KIFAP3: variants seen among roughly 807,000 people sequenced by gnomAD.
KIFAP3 encodes the protein kinesin associated protein 3.
Under a neutral mutation model 106.5 loss-of-function variants are expected in KIFAP3, and 68 were observed. The ratio of observed to expected loss-of-function variants is 0.64; its 90% CI spans 0.53 to 0.78. The LOEUF is 0.78. KIFAP3 is among the 30% of genes least tolerant of loss of function. The probability of loss-of-function intolerance (pLI) is 0.00; values close to 1 mark genes in which losing one functional copy is unlikely to be tolerated. For missense variants in KIFAP3, 780 were observed against 941.8 expected, an observed-to-expected ratio of 0.83 and a Z score of 2.25; for synonymous variants, 320 against 311.5, an observed-to-expected ratio of 1.03 and a Z score of -0.29.
At chr1:170,084,901 CG>C (rs2102197757) in intron 1 of KIFAP3, 2 of 152,234 alleles carry the variant, frequency 1.3e-5, no homozygotes, top group South Asian at 2.1e-4. Flanking sequence ...CAGCAATATT[CG>C]TTTCTCTATA....
intron 19 of KIFAP3, among the ~76,000 whole-genome samples, chr1:169,924,243 T>A (rs1662998637): frequency 6.6e-6 from 1 of 152,206 alleles, no homozygotes; most frequent in African/African-American, 2.4e-5. Context: ...AACCTGTAAA[T>A]CTCTGGTCTT....
intron 19 of KIFAP3, among the ~76,000 whole-genome samples, chr1:169,949,098 G>T (rs920207064): frequency 6.6e-6 from 1 of 151,450 alleles, no homozygotes; most frequent in Admixed American, 6.6e-5. Flanking sequence ...GTTCTCCTCA[G>T]TATGATTTTT....
chr1:170,013,705 TC>T (rs1176088639), intron 10 of KIFAP3, among the ~76,000 whole-genome samples: 1 of 152,126 alleles, frequency 6.6e-6, no homozygotes, highest in African/African-American at 2.4e-5. Flanking sequence ...ATTCTGGTAA[TC>T]CTGAAAACCC....
intron 18 of KIFAP3, among the ~76,000 whole-genome samples, chr1:169,955,981 T>G (rs1250509454): frequency 6.6e-6 from 1 of 152,164 alleles, no homozygotes; most frequent in Non-Finnish European, 1.5e-5. Flanking sequence ...TATAAAAACT[T>G]GTGATTTTAT....
chr1:169,996,010 A>T (rs1232757134), intron 10 of KIFAP3, among the ~76,000 whole-genome samples: 1 of 152,072 alleles, frequency 6.6e-6, no homozygotes, highest in Non-Finnish European at 1.5e-5. Flanking sequence ...AATTATAATA[A>T]TTTCTACTGG....
chr1:169,955,576 A>G (rs1281843429), intron 18 of KIFAP3, among the ~76,000 whole-genome samples: 5 of 152,078 alleles, frequency 3.3e-5, no homozygotes, highest in Non-Finnish European at 7.4e-5. Context: ...GTGAATGGTA[A>G]AACTAAGTAA....
intron 1 of KIFAP3, among the ~76,000 whole-genome samples, chr1:170,066,134 T>A (rs1671432731): frequency 6.6e-6 from 1 of 151,674 alleles, no homozygotes; most frequent in Non-Finnish European, 1.5e-5. Context: ...ATTTAAGAAT[T>A]AATGCTGTGC....
intron 19 of KIFAP3, among the ~76,000 whole-genome samples, chr1:169,951,830 C>T (rs1307083181): frequency 2.0e-5 from 3 of 151,602 alleles, no homozygotes; most frequent in African/African-American, 4.8e-5. Context: ...GCAGGAGATA[C>T]AAAAATAATG....
At chr1:170,075,707 C>A (rs1671888433), upstream of KIFAP3, among the ~76,000 whole-genome samples, 1 of 152,216 alleles carries the variant, frequency 6.6e-6, no homozygotes, top group East Asian at 1.9e-4. Flanking sequence ...TATAGTCATT[C>A]TTTCATTCTG....
intron 2 of KIFAP3, among the ~76,000 whole-genome samples, chr1:170,048,076 A>T (rs1670353527): frequency 6.6e-6 from 1 of 152,204 alleles, no homozygotes; most frequent in South Asian, 2.1e-4. Flanking sequence ...CTGTAAGCTT[A>T]TTATCCATAT....
rs1666550585 is a variant in KIFAP3, at chr1:169,982,047, C to G, written c.1723G>C (p.Val575Leu). 3 of 1,613,172 alleles carry G rather than the reference C, an allele frequency of 1.9e-6. No homozygotes were observed. Among genetic ancestry groups the G allele is most frequent in the East Asian group, 4.5e-5 (2 of 44,828 alleles). Residue 575 changes from valine to leucine, a missense_variant, in exon 15 of 20, where the codon GTA (valine) becomes CTA (leucine). Physicochemically the swap from Val to Leu is conservative, Grantham distance 32. This residue lies in a region of KIFAP3 where 588 missense variants were observed against 678.9 expected (regional missense o/e 0.87). Coordinates refer to ENST00000361580, the MANE Select transcript of KIFAP3 (RefSeq NM_014970.4). ...GCAGCACAAGAGTCATCCATGGATA[C>G]AGTTCCAATCATTATAACCACTTCT... The part of the protein sequence containing the change: ...VLEVVIMIGT[V>L]SMDDSCAALL...
intron 14 of KIFAP3, 75 bp from the exon 15 acceptor site, chr1:169,982,172 A>T: frequency 7.2e-7 from 1 of 1,391,398 alleles, no homozygotes; most frequent in Non-Finnish European, 1.0e-6. Flanking sequence ...CAAAATGTAA[A>T]TACACAGAAA....
intron 16 of KIFAP3, 36 bp downstream of exon 16, chr1:169,978,049 A>T (rs761193254): frequency 1.5e-6 from 2 of 1,314,450 alleles, no homozygotes; most frequent in East Asian, 4.6e-5. Context: ...TGAATATGTG[A>T]AATATTGTTA....
At chr1:170,032,396 T>A (rs527830987) in intron 7 of KIFAP3, among the ~76,000 whole-genome samples, 1 of 151,880 alleles carries the variant, frequency 6.6e-6, no homozygotes, top group East Asian at 1.9e-4. Flanking sequence ...AACACTGGAT[T>A]TTACTTCAGA....
intron 10 of KIFAP3, 87 bp downstream of exon 10, chr1:170,016,375 T>C: frequency 1.0e-6 from 1 of 1,000,686 alleles, no homozygotes; most frequent in Non-Finnish European, 1.5e-6. Context: ...ATGCTTTTTG[T>C]TCAGGAGGCT....
At chr1:169,986,377 T>C (rs1276231446) in intron 11 of KIFAP3, among the ~76,000 whole-genome samples, 1 of 151,986 alleles carries the variant, frequency 6.6e-6, no homozygotes, top group Non-Finnish European at 1.5e-5. Context: ...TACACTGATC[T>C]GTATGCTGAA....
At chr1:170,003,093 C>A (rs1038663956) in intron 10 of KIFAP3, among the ~76,000 whole-genome samples, 2 of 151,964 alleles carry the variant, frequency 1.3e-5, no homozygotes, top group African/African-American at 2.4e-5. Flanking sequence ...TATTAAAGTA[C>A]AATAAAAATG....
At chr1:170,015,412 G>A (rs1668452346) in intron 10 of KIFAP3, among the ~76,000 whole-genome samples, 1 of 152,086 alleles carries the variant, frequency 6.6e-6, no homozygotes, top group Non-Finnish European at 1.5e-5. Flanking sequence ...CTCCTCAAAT[G>A]TCTACATTGC....
At position 170,024,541 on chromosome 1, in the gene KIFAP3, C is replaced by T; in HGVS notation, c.897G>A (p.Met299Ile). The part of the protein sequence containing the change: ...LAEDTRTELK[M>I]RNKNIVHMLV... ...ACATGTGAACTATGTTCTTGTTCCT[C>T]ATTTTCAGTTCGGTACGAGTATCCT... The change falls in exon 9 of 20, where the codon ATG (methionine) becomes ATA (isoleucine). Residue 299 changes from methionine (M) to isoleucine (I), a missense_variant. Coordinates refer to ENST00000361580, the MANE Select transcript of KIFAP3 (RefSeq NM_014970.4). 1 of 1,604,596 alleles carries T rather than the reference C, an allele frequency of 6.2e-7. No individual in the cohort carries two copies. Among genetic ancestry groups the T allele is most frequent in the South Asian group, 1.1e-5 (1 of 89,226 alleles).
Sources: gnomAD v4.1 joint callset for allele counts (sites outside exome capture counted in the v4.1 genomes callset) on GRCh38, gnomAD v4.1.1 for gene constraint, gnomAD v4.1.1 regional missense constraint, MANE v1.5 for transcripts, NCBI Gene and HGNC (gene_info 2026-07-23, HGNC 2026-07-21) for gene names.